Variants in DGKA observed in about 807,000 individuals in gnomAD.
DGKA encodes diacylglycerol kinase alpha, also known as 80 kDa diacylglycerol kinase.
A neutral mutation model predicts 105.0 loss-of-function variants in DGKA; 35 were observed. The ratio of observed to expected loss-of-function variants is 0.33; its 90% CI spans 0.25 to 0.44. DGKA has a LOEUF of 0.44. DGKA is among the 20% of genes least tolerant of loss of function. The pLI is 1.00. For synonymous variants in DGKA, 296 were observed against 332.0 expected, an observed-to-expected ratio of 0.89 and a Z score of 1.18; for missense variants, 665 against 915.0, an observed-to-expected ratio of 0.73 and a Z score of 3.53.
Position 55,941,679 on chromosome 12 carries a change from G to A in DGKA, c.1250+95G>A, listed in dbSNP as rs532755311. 5 of 1,325,678 alleles carry A rather than the reference G, an allele frequency of 3.8e-6. No individual in the cohort carries two copies. The African/African-American group carries it at 4.4e-5, about 12-fold the overall frequency. 82.1% of individuals were successfully genotyped at this position (1,325,678 alleles called of 1,614,324 possible). A position where few individuals can be genotyped will look rare whatever the true frequency, so the allele number is the denominator to read the frequency against. ...GCAGGAAAGAGTGCAGATTGGGAGA[G>A]GAGGGCTAGAGATCCCCAAGAGGCC... On this transcript the variant is annotated intron_variant, in intron 15 of 23. Coordinates refer to ENST00000331886, the MANE Select transcript of DGKA (RefSeq NM_001345.5).
chr12:55,946,920 C>T (rs1302582227), intron 17 of DGKA, among the ~76,000 whole-genome samples: 4 of 151,826 alleles, frequency 2.6e-5, no homozygotes, highest in Admixed American at 2.6e-4. Context: ...TGGATTGAAC[C>T]CTCAGTGGAG....
chr12:55,948,514 G>A (rs953720840), intron 17 of DGKA, among the ~76,000 whole-genome samples: 2 of 150,264 alleles, frequency 1.3e-5, no homozygotes, highest in African/African-American at 2.5e-5. Flanking sequence ...GATCGCTTGA[G>A]CCCAGGAGAT....
chr12:55,939,886 G>T (rs1592692585), intron 9 of DGKA, 196 bp from the exon 10 acceptor site: 2 of 610,204 alleles, frequency 3.3e-6, no homozygotes, highest in East Asian at 5.6e-5. Flanking sequence ...GGGCAGGCAT[G>T]CAGTAGCAGC....
rs535724327 is a variant in DGKA, at chr12:55,953,896, A to G, written c.*128A>G. 4 of 788,648 alleles carry G rather than the reference A, an allele frequency of 5.1e-6. No homozygotes were observed. The highest frequency in any genetic ancestry group is 2.5e-4 in the Middle Eastern group (1 of 3,936). The allele number at this position is 788,648 out of a possible 1,614,324, so 48.9% of individuals were successfully genotyped here. A position where few individuals can be genotyped will look rare whatever the true frequency, so the allele number is the denominator to read the frequency against. On this transcript the variant is annotated 3_prime_UTR_variant, in exon 24 of 24. Transcript: ENST00000331886. ...TGGGGGAGTGTTCCTTCACCCTCACAGTATTTATTATCCTGCACCACCTCA... is the reference window on the plus strand; with the variant it reads ...TGGGGGAGTGTTCCTTCACCCTCACGGTATTTATTATCCTGCACCACCTCA...
chr12:55,951,814 G>C, intron 18 of DGKA, 31 bp downstream of exon 18: 3 of 1,606,272 alleles, frequency 1.9e-6, no homozygotes, highest in Non-Finnish European at 2.6e-6. Context: ...GGAGAAGGGA[G>C]AAAGGGGGGG....
At chr12:55,930,204 T>C (rs1216857871), upstream of DGKA, among the ~76,000 whole-genome samples, 3 of 152,052 alleles carry the variant, frequency 2.0e-5, no homozygotes, top group Non-Finnish European at 4.4e-5. Context: ...TTTTTGCTTG[T>C]ATTGCAGAAC....
chr12:55,936,126 G>T, intron 1 of DGKA: 2 of 769,118 alleles, frequency 2.6e-6, no homozygotes, highest in Non-Finnish European at 3.3e-6. Context: ...AGCCGGGTGC[G>T]GGTGGGAAGG....
chr12:55,951,049 C>T (rs1039622456), intron 17 of DGKA, among the ~76,000 whole-genome samples: 5 of 152,092 alleles, frequency 3.3e-5, no homozygotes, highest in African/African-American at 4.8e-5. Context: ...ATGCAGGTAG[C>T]GAGCATAGAA....
chr12:55,947,972 G>T (rs1299921820), intron 17 of DGKA, among the ~76,000 whole-genome samples: 2 of 152,020 alleles, frequency 1.3e-5, no homozygotes, highest in Admixed American at 1.3e-4. Flanking sequence ...TGTATTTTCG[G>T]TAGAGACGAG....
intron 15 of DGKA, 115 bp downstream of exon 15, chr12:55,941,699 G>A (rs889227693): frequency 1.8e-6 from 2 of 1,111,708 alleles, no homozygotes; most frequent in Admixed American, 1.9e-5. Flanking sequence ...AGATCCCCAA[G>A]AGGCCAGAAT....
At chr12:55,928,676 CAAAAAAAAA>C (rs56280303), upstream of DGKA, among the ~76,000 whole-genome samples, 158 of 47,274 alleles carry the variant, frequency 3.3e-3, 1 homozygote, top group African/African-American at 7.4e-3. Flanking sequence ...GACCCCGTCT[CAAAAAAAAA>C]AAAAAAAAAA....
intron 17 of DGKA, among the ~76,000 whole-genome samples, chr12:55,950,527 C>T (rs1306525526): frequency 6.6e-6 from 1 of 150,954 alleles, no homozygotes. Context: ...AGGATGGTCT[C>T]GATCTCCTGA....
upstream of DGKA, among the ~76,000 whole-genome samples, chr12:55,929,961 A>C (rs1458150738): frequency 1.3e-5 from 2 of 152,254 alleles, no homozygotes; most frequent in African/African-American, 2.4e-5. Context: ...TGAGAAACAC[A>C]GGTAATACAT....
upstream of DGKA, among the ~76,000 whole-genome samples, chr12:55,928,734 G>A (rs1329549623): frequency 6.8e-6 from 1 of 147,472 alleles, no homozygotes; most frequent in African/African-American, 2.5e-5. Context: ...GGCTGACTAG[G>A]ACCTTTATAA....
chr12:55,953,535 C>T (rs1888582767), intron 23 of DGKA, 125 bp downstream of exon 23: 1 of 1,348,332 alleles, frequency 7.4e-7, no homozygotes, highest in African/African-American at 1.4e-5. Flanking sequence ...TCATCCTAAA[C>T]CCTGATTTCT....
At chr12:55,933,351 G>A (rs370089902) in intron 1 of DGKA, among the ~76,000 whole-genome samples, 1 of 152,320 alleles carries the variant, frequency 6.6e-6, no homozygotes, top group Admixed American at 6.5e-5. Flanking sequence ...GGCGGGCAGG[G>A]AAACCAGAGG....
upstream of DGKA, chr12:55,927,551 C>G (rs1209180127): frequency 2.4e-5 from 20 of 829,940 alleles, no homozygotes; most frequent in Non-Finnish European, 3.6e-5. Context: ...AGCAGACAAA[C>G]TCCAGGAACG....
At chr12:55,945,221 G>A (rs1215461120) in intron 17 of DGKA, among the ~76,000 whole-genome samples, 1 of 152,154 alleles carries the variant, frequency 6.6e-6, no homozygotes, top group Non-Finnish European at 1.5e-5. Flanking sequence ...CAGGAATTTA[G>A]GAGAGAAGTC....
At chr12:55,936,691 GC>G in intron 2 of DGKA, 124 bp downstream of exon 2, 1 of 1,350,954 alleles carries the variant, frequency 7.4e-7, no homozygotes, top group Non-Finnish European at 1.0e-6. Flanking sequence ...GCTCAGATGT[GC>G]CCATGACTGG....
Sources: gnomAD v4.1 joint callset for allele counts (sites outside exome capture counted in the v4.1 genomes callset) on GRCh38, gnomAD v4.1.1 for gene constraint, MANE v1.5 for transcripts, NCBI Gene and HGNC (gene_info 2026-07-23, HGNC 2026-07-21) for gene names.